DYM: variants seen among roughly 807,000 people sequenced by gnomAD.
DYM encodes the protein dyggve-Melchior-Clausen syndrome protein.
A neutral mutation model predicts 93.1 loss-of-function variants in DYM; 78 were observed. The ratio of observed to expected loss-of-function variants is 0.84; its 90% CI spans 0.70 to 1.01. The LOEUF (loss-of-function observed/expected upper bound fraction) is 1.01. Among genes scored for constraint, DYM ranks in the 50% least tolerant of loss-of-function variants. DYM has a pLI of 0.00. For synonymous variants in DYM, 321 were observed against 319.7 expected (o/e 1.00, Z -0.04); for missense variants, 789 against 845.0 (o/e 0.93, Z 0.82).
chr18:49,100,002 A>G (rs2079970390), intron 16 of DYM, among the ~76,000 whole-genome samples: 1 of 152,192 alleles, frequency 6.6e-6, no homozygotes, highest in Non-Finnish European at 1.5e-5. Context: ...TACTGTAACC[A>G]GGAACACATA....
chr18:49,378,545 C>T, intron 5 of DYM, 22 bp downstream of exon 5: 1 of 1,595,024 alleles, frequency 6.3e-7, no homozygotes, highest in South Asian at 1.1e-5. Flanking sequence ...ATATCCAGAA[C>T]ATCTTTAAAA....
chr18:49,455,636 C>A (rs1398428143), intron 1 of DYM, among the ~76,000 whole-genome samples: 1 of 152,120 alleles, frequency 6.6e-6, no homozygotes, highest in East Asian at 1.9e-4. Context: ...GTAGGTTAGT[C>A]TGGGTTCAGA....
In DYM at chr18:49,273,866, T is replaced by C. The variant is rs796747046; in HGVS notation, c.1126-1563A>G. 3.3e-5 allele frequency among the ~76,000 whole-genome samples: 5 copies of C among 151,578 alleles called. 1 individual carries two copies. The highest frequency in any genetic ancestry group is 1.2e-4 in the African/African-American group (5 of 41,366). ...TGTAGAAAGCACATCTTACCTATAG[T>C]ACATAATACCAATAGAGTACTGAAA... On this transcript the variant is annotated intron_variant, in intron 10 of 17. Coordinates refer to ENST00000675505, the MANE Select transcript of DYM (RefSeq NM_001353214.3).
intron 15 of DYM, among the ~76,000 whole-genome samples, chr18:49,162,944 G>T (rs139403731): frequency 1.1e-3 from 160 of 152,338 alleles, no homozygotes; most frequent in African/African-American, 3.6e-3. Flanking sequence ...AAAGGAAGCA[G>T]AGACCAGAAA....
chr18:49,147,144 T>C (rs986995341), intron 15 of DYM, among the ~76,000 whole-genome samples: 3 of 152,112 alleles, frequency 2.0e-5, no homozygotes, highest in Admixed American at 6.6e-5. Context: ...GCTAGCCATA[T>C]GTAGAAAGCT....
chr18:49,207,347 G>C (rs888681964), intron 14 of DYM, among the ~76,000 whole-genome samples: 3 of 152,210 alleles, frequency 2.0e-5, no homozygotes, highest in African/African-American at 7.2e-5. Context: ...AGATATGACA[G>C]GATAGGATAT....
chr18:49,404,595 C>G (rs2071239814), intron 2 of DYM, among the ~76,000 whole-genome samples: 1 of 152,102 alleles, frequency 6.6e-6, no homozygotes, highest in Admixed American at 6.6e-5. Context: ...ATTTTTTGAC[C>G]TTTTAATAAC....
At chr18:49,258,546 G>C (rs907792741) in intron 11 of DYM, 53 bp from the exon 12 acceptor site, 4 of 1,132,218 alleles carry the variant, frequency 3.5e-6, no homozygotes, top group East Asian at 2.4e-5. Context: ...ACAGACAAAA[G>C]AATTACTCCA....
At chr18:49,125,159 C>G (rs1371980161) in intron 15 of DYM, among the ~76,000 whole-genome samples, 1 of 152,180 alleles carries the variant, frequency 6.6e-6, no homozygotes, top group Non-Finnish European at 1.5e-5. Flanking sequence ...ACTCAGGAGG[C>G]TGAGGCAGGA....
At chr18:49,361,716 T>C (rs1317307635) in intron 6 of DYM, among the ~76,000 whole-genome samples, 1 of 152,120 alleles carries the variant, frequency 6.6e-6, no homozygotes, top group Non-Finnish European at 1.5e-5. Context: ...ATTTTTTTAA[T>C]TTTTTAATTT....
At chr18:49,458,210 A>C (rs2083167179) in intron 1 of DYM, among the ~76,000 whole-genome samples, 1 of 152,164 alleles carries the variant, frequency 6.6e-6, no homozygotes, top group South Asian at 2.1e-4. Flanking sequence ...GCAATATAAG[A>C]AAGAGCCATT....
At chr18:49,344,825 T>C (rs1054538334) in intron 6 of DYM, among the ~76,000 whole-genome samples, 1 of 152,174 alleles carries the variant, frequency 6.6e-6, no homozygotes, top group African/African-American at 2.4e-5. Flanking sequence ...TTAGTGAAGG[T>C]CTTTCCAATC....
At chr18:49,058,223 T>G (rs1261029204) in intron 17 of DYM, among the ~76,000 whole-genome samples, 1 of 152,210 alleles carries the variant, frequency 6.6e-6, no homozygotes, top group Non-Finnish European at 1.5e-5. Context: ...TTTGGAGATC[T>G]CTAGTCATTT....
rs1380672569 is a variant in DYM, at chr18:49,454,778, G to A, written c.-54+5620C>T. On this transcript the variant is annotated intron_variant, in intron 1 of 17. Coordinates refer to ENST00000675505, the MANE Select transcript of DYM (RefSeq NM_001353214.3). ...AAAAAATTAGCCAGGCATTGTGGCC[G>A]GCGCCTGTAGTCCCAGCTACTCAGG... is the stretch of plus-strand genomic sequence containing the variant. 6.6e-5 allele frequency among the ~76,000 whole-genome samples: 10 copies of A among 151,610 alleles called. No individual in the cohort carries two copies. In the South Asian group the frequency reaches 1.3e-3, roughly 19 times the overall value.
At chr18:49,052,495 A>T (rs1053839568) in intron 17 of DYM, among the ~76,000 whole-genome samples, 5 of 152,234 alleles carry the variant, frequency 3.3e-5, no homozygotes, top group African/African-American at 1.2e-4. Flanking sequence ...TGTCAGTCTG[A>T]ATGTCAAATC....
intron 16 of DYM, among the ~76,000 whole-genome samples, chr18:49,115,863 T>C (rs895078555): frequency 1.3e-5 from 2 of 152,216 alleles, no homozygotes; most frequent in African/African-American, 4.8e-5. Context: ...TTTAAAAAGA[T>C]AGAAGGATAG....
chr18:49,239,903 T>A (rs962635314), intron 13 of DYM, among the ~76,000 whole-genome samples: 1 of 152,230 alleles, frequency 6.6e-6, no homozygotes, highest in South Asian at 2.1e-4. Context: ...CAAATTTATT[T>A]CATAACCACA....
At chr18:49,232,931 A>AGTAT (rs2093750041) in intron 13 of DYM, among the ~76,000 whole-genome samples, 1 of 152,142 alleles carries the variant, frequency 6.6e-6, no homozygotes, top group Non-Finnish European at 1.5e-5. Context: ...TCTTATACTT[A>AGTAT]AAGTGTACTT....
chr18:49,370,761 T>C, intron 5 of DYM, among the ~76,000 whole-genome samples: 1 of 152,206 alleles, frequency 6.6e-6, no homozygotes, highest in Admixed American at 6.5e-5. Context: ...AGCAAGACTC[T>C]GTCTCCAAAA....
Sources: allele counts gnomAD v4.1 joint callset (sites outside exome capture counted in the v4.1 genomes callset), GRCh38; gene constraint gnomAD v4.1.1; transcripts MANE v1.5; gene names NCBI Gene and HGNC (gene_info 2026-07-23, HGNC 2026-07-21).